PTPN1: variants seen among roughly 807,000 people sequenced by gnomAD.
PTPN1 encodes the protein protein tyrosine phosphatase non-receptor type 1.
PTPN1 carries 12 observed loss-of-function variants against 59.9 expected under a neutral mutation model. The ratio of observed to expected loss-of-function variants is 0.20; its 90% confidence interval spans 0.13 to 0.32. PTPN1 has a LOEUF of 0.32. PTPN1 is among the 10% of genes least tolerant of loss of function. PTPN1 has a pLI of 1.00. For synonymous variants in PTPN1, 178 were observed against 203.6 expected, an observed-to-expected ratio of 0.87 and a Z score of 1.07; for missense variants, 356 against 549.2, an observed-to-expected ratio of 0.65 and a Z score of 3.52.
intron 1 of PTPN1, among the ~76,000 whole-genome samples, chr20:50,514,345 G>A (rs2082519779): frequency 7.0e-6 from 1 of 143,246 alleles, no homozygotes; most frequent in Admixed American, 7.4e-5. Context: ...AATTGAATGT[G>A]TACTGAATTT....
intron 5 of PTPN1, among the ~76,000 whole-genome samples, chr20:50,575,416 C>T (rs952877425): frequency 6.6e-6 from 1 of 152,140 alleles, no homozygotes; most frequent in African/African-American, 2.4e-5. Flanking sequence ...TCAGGTTTTG[C>T]GAGGGTTCTG....
At chr20:50,551,381 C>T (rs970146938) in intron 1 of PTPN1, among the ~76,000 whole-genome samples, 4 of 152,222 alleles carry the variant, frequency 2.6e-5, no homozygotes, top group African/African-American at 9.6e-5. Context: ...TAAATCATAA[C>T]TTTGGAAGGA....
rs760185688 is a variant in PTPN1 at position 50,579,257 on chromosome 20, C to T, written c.792C>T (p.Ala264=). The T allele has an allele frequency of 5.0e-6, 8 of 1,614,104 alleles. No individual in the cohort carries two copies. Among genetic ancestry groups the T allele is most frequent in the Non-Finnish European group, 5.1e-6 (6 of 1,180,040 alleles). ...TTCGGATGGGGCTGATCCAGACAGCCGACCAGCTGCGCTTCTCCTACCTGG... is the reference window on the plus strand; with the variant it reads ...TTCGGATGGGGCTGATCCAGACAGCTGACCAGCTGCGCTTCTCCTACCTGG... ...RKFRMGLIQT[A]DQLRFSYLAV... The change falls in exon 7 of 10, where the codon GCC becomes GCT. Residue 264 remains alanine (A), a synonymous_variant. Transcript: ENST00000371621.
Position 50,584,638 on chromosome 20 carries a change from GGA to G in PTPN1, c.*1925_*1926del, listed in dbSNP as rs1178258143. ...GGCTGCATGACCGGGTGGGTGGGGGGGAGTGTCTCAGGGTCTTCTGTGACCTC... is the reference window on the plus strand; with the variant it reads ...GGCTGCATGACCGGGTGGGTGGGGGGGTGTCTCAGGGTCTTCTGTGACCTC... On this transcript the variant is annotated 3_prime_UTR_variant, in exon 10 of 10. Coordinates refer to ENST00000371621, the MANE Select transcript of PTPN1 (RefSeq NM_002827.4). 7.2e-6 allele frequency: 1 copy of G among 139,418 alleles called. No homozygotes were observed. Among genetic ancestry groups the G allele is most frequent in the Non-Finnish European group, 1.6e-5 (1 of 63,720 alleles). 8.6% of individuals were successfully genotyped at this position (139,418 alleles called of 1,614,324 possible).
At chr20:50,540,291 G>A (rs746701350) in intron 1 of PTPN1, among the ~76,000 whole-genome samples, 1 of 152,150 alleles carries the variant, frequency 6.6e-6, no homozygotes, top group African/African-American at 2.4e-5. Flanking sequence ...TCCTGACCTC[G>A]TGATCTGCCC....
chr20:50,518,980 A>G (rs2082540299), intron 1 of PTPN1, among the ~76,000 whole-genome samples: 3 of 152,110 alleles, frequency 2.0e-5, no homozygotes, highest in Non-Finnish European at 1.5e-5. Context: ...TGTACCTATC[A>G]TGGTGTCATT....
At position 50,580,379 on chromosome 20, in the gene PTPN1, A is replaced by G. The variant is rs569167310; in HGVS notation, c.1088+453A>G. Among the ~76,000 whole-genome samples, 12 of 152,318 alleles carry G rather than the reference A, an allele frequency of 7.9e-5. No homozygotes were observed. In the South Asian group the frequency reaches 2.5e-3, roughly 32 times the overall value. On this transcript the variant is annotated intron_variant, in intron 8 of 9. Coordinates refer to ENST00000371621, the MANE Select transcript of PTPN1 (RefSeq NM_002827.4). The stretch of plus-strand genomic sequence containing the variant: ...TTTACTTCCTTGCAGGTTAACAACC[A>G]TTATTGAGTACCTATTGATATGTGT...
intron 1 of PTPN1, among the ~76,000 whole-genome samples, chr20:50,531,995 C>T (rs960361929): frequency 2.6e-5 from 4 of 152,170 alleles, no homozygotes; most frequent in African/African-American, 7.2e-5. Flanking sequence ...GCCTTGTGAC[C>T]TGGGATTGGC....
At chr20:50,571,525 G>T (rs758951318) in intron 4 of PTPN1, 3 of 152,210 alleles carry the variant, frequency 2.0e-5, no homozygotes, top group African/African-American at 4.8e-5. Context: ...GATCCACACA[G>T]CTTGTGGTAA....
chr20:50,511,262 T>C (rs2122712748), intron 1 of PTPN1, among the ~76,000 whole-genome samples: 1 of 152,242 alleles, frequency 6.6e-6, no homozygotes, highest in Middle Eastern at 3.4e-3. Flanking sequence ...TTTCAGATAG[T>C]GACAGGTGCT....
At chr20:50,543,210 T>A (rs1207265440) in intron 1 of PTPN1, among the ~76,000 whole-genome samples, 1 of 152,154 alleles carries the variant, frequency 6.6e-6, no homozygotes, top group Admixed American at 6.5e-5. Flanking sequence ...AACATAAATA[T>A]GGGGGAAGGG....
In PTPN1 at chr20:50,578,521, C is replaced by G; in HGVS notation, c.594C>G (p.Val198=). The G allele has an allele frequency of 6.2e-7, 1 of 1,614,222 alleles. No homozygotes were observed. Residue 198 remains valine, a synonymous_variant, in exon 6 of 10, where the codon GTC becomes GTG. Transcript: ENST00000371621. ...PASFLNFLFK[V]RESGSLSPEH... is the part of the protein sequence containing the mutation. ...CATTCTTGAACTTTCTTTTCAAAGTCCGAGAGTCAGGGTCACTCAGCCCGG... is the reference window on the plus strand; with the variant it reads ...CATTCTTGAACTTTCTTTTCAAAGTGCGAGAGTCAGGGTCACTCAGCCCGG...
intron 8 of PTPN1, among the ~76,000 whole-genome samples, 181 bp from the exon 9 acceptor site, chr20:50,581,084 A>G (rs2082865911): frequency 6.6e-6 from 1 of 152,100 alleles, no homozygotes; most frequent in African/African-American, 2.4e-5. Flanking sequence ...CTTCAGGCTG[A>G]TGTGGGCCCT....
intron 2 of PTPN1, among the ~76,000 whole-genome samples, chr20:50,564,036 T>G (rs968067684): frequency 6.6e-6 from 1 of 152,050 alleles, no homozygotes; most frequent in African/African-American, 2.4e-5. Flanking sequence ...TTTAAAAATT[T>G]AGAATCATTG....
intron 1 of PTPN1, among the ~76,000 whole-genome samples, chr20:50,533,681 G>A (rs1337279466): frequency 1.3e-5 from 2 of 151,534 alleles, no homozygotes; most frequent in Non-Finnish European, 2.9e-5. Flanking sequence ...AGCAGAAAGG[G>A]ACACCCTTGC....
intron 1 of PTPN1, among the ~76,000 whole-genome samples, chr20:50,512,365 G>A (rs1380206345): frequency 1.3e-5 from 2 of 152,170 alleles, no homozygotes; most frequent in Non-Finnish European, 2.9e-5. Context: ...CAAGAAATAC[G>A]TATTGTAACT....
At chr20:50,557,507 C>A (rs2082731011) in intron 1 of PTPN1, among the ~76,000 whole-genome samples, 1 of 152,182 alleles carries the variant, frequency 6.6e-6, no homozygotes, top group Non-Finnish European at 1.5e-5. Context: ...GCTTCACCGC[C>A]CCCATTTTCC....
intron 1 of PTPN1, among the ~76,000 whole-genome samples, chr20:50,548,613 C>G (rs1028811532): frequency 6.6e-6 from 1 of 152,040 alleles, no homozygotes; most frequent in African/African-American, 2.4e-5. Context: ...ACTATGTTGC[C>G]CAGGCTGGTC....
intron 1 of PTPN1, among the ~76,000 whole-genome samples, chr20:50,545,362 G>A (rs2082670570): frequency 6.6e-6 from 1 of 152,176 alleles, no homozygotes. Context: ...AATGGGTTGT[G>A]TTTCTTGTAA....
Sources: allele counts gnomAD v4.1 joint callset (sites outside exome capture counted in the v4.1 genomes callset), GRCh38; gene constraint gnomAD v4.1.1; transcripts MANE v1.5; gene names NCBI Gene and HGNC (gene_info 2026-07-23, HGNC 2026-07-21).